GRID1: variants seen among roughly 807,000 people sequenced by gnomAD.
The protein encoded by GRID1 is glutamate receptor ionotropic, delta-1.
A neutral mutation model predicts 98.0 loss-of-function variants in GRID1; 28 were observed. That is an observed-to-expected ratio of 0.29 (90% CI 0.21 to 0.39). The LOEUF is 0.39. Among genes scored for constraint, GRID1 ranks in the 10% least tolerant of loss-of-function variants. The pLI is 1.00. For missense variants in GRID1, 1,111 were observed against 1,340.5 expected, an observed-to-expected ratio of 0.83 and a Z score of 2.67; for synonymous variants, 553 against 538.5, an observed-to-expected ratio of 1.03 and a Z score of -0.37.
chr10:85,895,618 T>C (rs1841281870), intron 5 of GRID1, among the ~76,000 whole-genome samples: 1 of 152,210 alleles, frequency 6.6e-6, no homozygotes, highest in African/African-American at 2.4e-5. Context: ...TCTCTCCCAG[T>C]ACTGTGTGGT....
At chr10:86,224,453 C>T (rs1411881539) in intron 2 of GRID1, among the ~76,000 whole-genome samples, 1 of 152,178 alleles carries the variant, frequency 6.6e-6, no homozygotes, top group African/African-American at 2.4e-5. Flanking sequence ...CATGAGGATG[C>T]TGCCACCCAC....
At chr10:85,706,614 T>C (rs1841521901) in intron 12 of GRID1, among the ~76,000 whole-genome samples, 1 of 152,098 alleles carries the variant, frequency 6.6e-6, no homozygotes, top group Non-Finnish European at 1.5e-5. Flanking sequence ...AAAACTACTT[T>C]AAAGTTCATA....
At chr10:85,762,048 A>G (rs1354899804) in intron 8 of GRID1, among the ~76,000 whole-genome samples, 1 of 152,178 alleles carries the variant, frequency 6.6e-6, no homozygotes, top group Admixed American at 6.6e-5. Flanking sequence ...AGTGGGCCAA[A>G]TACTTCCTCC....
chr10:86,296,733 C>T (rs1287767663), intron 2 of GRID1, among the ~76,000 whole-genome samples: 1 of 151,966 alleles, frequency 6.6e-6, no homozygotes, highest in Non-Finnish European at 1.5e-5. Context: ...AGGGAGACTC[C>T]ATCTCAAAAA....
rs1219198286 is a variant in GRID1 at position 86,365,374 on chromosome 10, T to G, written c.79+940A>C. ...AGGGACTCCCCCAAAGCGACCGCTG[T>G]CAGCCCCCCAACTCGGCCCAACTTC... On this transcript the variant is annotated intron_variant, in intron 1 of 15. Transcript: ENST00000327946. This position sits in a 1 kb window ranked among gnomAD's most constrained non-coding sequence, Gnocchi z 4.8. Among the ~76,000 whole-genome samples, 3 of 150,190 alleles carry G rather than the reference T, an allele frequency of 2.0e-5. No homozygotes were observed. The highest frequency in any genetic ancestry group is 4.4e-5 in the Non-Finnish European group (3 of 67,656).
chr10:85,668,845 T>C (rs1841053144), intron 12 of GRID1, among the ~76,000 whole-genome samples: 1 of 152,176 alleles, frequency 6.6e-6, no homozygotes, highest in South Asian at 2.1e-4. Context: ...AAAGTCACAT[T>C]GGTTGCTGTG....
chr10:85,717,596 G>C (rs1564568928), intron 12 of GRID1, among the ~76,000 whole-genome samples: 1 of 152,160 alleles, frequency 6.6e-6, no homozygotes, highest in Non-Finnish European at 1.5e-5. Context: ...GATTTGGATG[G>C]AGGCAGAGCC....
intron 13 of GRID1, among the ~76,000 whole-genome samples, chr10:85,627,647 C>T (rs34948026): frequency 0.12 from 18,496 of 152,140 alleles, 1,236 homozygotes; most frequent in Non-Finnish European, 0.15. Flanking sequence ...TATCGAGGCT[C>T]GGCCTCCTTC....
chr10:85,668,720 G>A (rs527728816), intron 12 of GRID1, among the ~76,000 whole-genome samples: 12 of 152,352 alleles, frequency 7.9e-5, no homozygotes, highest in African/African-American at 2.9e-4. Flanking sequence ...CTGAGGGACT[G>A]CTAGAAAACC....
At chr10:86,363,103 T>C (rs998071441) in intron 2 of GRID1, among the ~76,000 whole-genome samples, 7 of 152,236 alleles carry the variant, frequency 4.6e-5, no homozygotes, top group Non-Finnish European at 8.8e-5. Context: ...GAACCAGGGT[T>C]CCCGAGCTGA....
chr10:86,076,673 A>G (rs2131925872), intron 4 of GRID1, among the ~76,000 whole-genome samples: 1 of 152,294 alleles, frequency 6.6e-6, no homozygotes, highest in African/African-American at 2.4e-5. Context: ...GTTGGAGGTC[A>G]GCATTTTGGG....
At chr10:86,253,726 C>T (rs563585753) in intron 2 of GRID1, among the ~76,000 whole-genome samples, 32 of 152,294 alleles carry the variant, frequency 2.1e-4, no homozygotes, top group African/African-American at 7.7e-4. Context: ...CACCTTCAGC[C>T]TCAGTGGGAA....
chr10:86,041,000 G>T (rs1843337967), intron 4 of GRID1, among the ~76,000 whole-genome samples: 2 of 152,008 alleles, frequency 1.3e-5, no homozygotes, highest in African/African-American at 4.8e-5. Flanking sequence ...GCTCTCTCTG[G>T]GCTCTGCCTC....
chr10:86,054,450 T>A, intron 4 of GRID1, among the ~76,000 whole-genome samples: 1 of 152,282 alleles, frequency 6.6e-6, no homozygotes, highest in Admixed American at 6.5e-5. Flanking sequence ...GATCTTCCCC[T>A]AACTCTAAAA....
intron 8 of GRID1, among the ~76,000 whole-genome samples, chr10:85,738,762 T>C (rs1460898316): frequency 2.0e-5 from 3 of 151,784 alleles, no homozygotes; most frequent in Non-Finnish European, 4.4e-5. Context: ...CTGCGTGCTT[T>C]ACGATGCTGT....
At chr10:85,668,257 T>G (rs1371378487) in intron 12 of GRID1, among the ~76,000 whole-genome samples, 1 of 152,120 alleles carries the variant, frequency 6.6e-6, no homozygotes, top group Non-Finnish European at 1.5e-5. Flanking sequence ...GAAATGCACA[T>G]AGACAACAGT....
intron 8 of GRID1, among the ~76,000 whole-genome samples, chr10:85,810,211 C>T: frequency 6.6e-6 from 1 of 151,552 alleles, no homozygotes; most frequent in South Asian, 2.1e-4. Context: ...CTGGAGTGTG[C>T]TCTGCCCTGG....
At chr10:85,830,257 G>A (rs1305720854) in intron 8 of GRID1, among the ~76,000 whole-genome samples, 1 of 152,110 alleles carries the variant, frequency 6.6e-6, no homozygotes, top group East Asian at 1.9e-4. Context: ...GCTAGTCATA[G>A]GCAGAAGACT....
intron 4 of GRID1, among the ~76,000 whole-genome samples, chr10:85,965,787 A>T (rs972547657): frequency 8.7e-4 from 100 of 115,074 alleles, no homozygotes; most frequent in African/African-American, 2.9e-3. Flanking sequence ...AAATATAATA[A>T]AAAAAAAAAC....
Sources: allele counts gnomAD v4.1 joint callset (sites outside exome capture counted in the v4.1 genomes callset), GRCh38; gene constraint gnomAD v4.1.1; non-coding constraint Gnocchi (gnomAD v3.1); transcripts MANE v1.5; gene names NCBI Gene and HGNC (gene_info 2026-07-23, HGNC 2026-07-21).